Variants in SLC15A4 observed in about 807,000 individuals in gnomAD.
The protein encoded by SLC15A4 is solute carrier family 15 member 4.
A neutral mutation model predicts 46.1 loss-of-function variants in SLC15A4; 26 were observed. That is an observed-to-expected ratio of 0.56 (90% CI 0.41 to 0.78). The LOEUF (loss-of-function observed/expected upper bound fraction) is 0.78, where lower values mean the gene tolerates loss of function less well. Ranked by LOEUF, SLC15A4 falls within the 30% of genes least tolerant of loss-of-function variation. The pLI, the probability that SLC15A4 is intolerant of heterozygous loss-of-function variation, is 0.00. For missense variants in SLC15A4, 751 were observed against 755.7 expected, an observed-to-expected ratio of 0.99 and a Z score of 0.07; for synonymous variants, 370 against 333.4, an observed-to-expected ratio of 1.11 and a Z score of -1.20.
rs912590745 is a variant in SLC15A4 at position 128,820,836 on chromosome 12, T to A, written c.546+2562A>T. On this transcript the variant is annotated intron_variant, in intron 1 of 7. Coordinates refer to ENST00000266771, the MANE Select transcript of SLC15A4 (RefSeq NM_145648.4). ...AAAGCCTAAGAGTCGCCTTCCCTAC[T>A]GCTCACATGCCATGGTTTCCATATC... Among the ~76,000 whole-genome samples the A allele has an allele frequency of 2.0e-5, 3 of 152,338 alleles. No homozygotes were observed. The East Asian group carries it at 5.8e-4, about 29-fold the overall frequency.
At position 128,794,362 on chromosome 12, in the gene SLC15A4, G is replaced by T; in HGVS notation, c.1574-6C>A. 1.3e-6 allele frequency: 2 copies of T among 1,584,420 alleles called. No individual in the cohort carries two copies. The highest frequency in any genetic ancestry group is 2.3e-5 in the East Asian group (1 of 43,178). ...ATAGCAGCCGTTAATATTACCTGGA[G>T]AAAACAAAAGGAAAGCGGCAGGTAA... is the stretch of plus-strand genomic sequence containing the variant. On this transcript the variant is annotated splice_polypyrimidine_tract_variant and splice_region_variant and intron_variant, in intron 7 of 7. Transcript: ENST00000266771.
intron 5 of SLC15A4, among the ~76,000 whole-genome samples, chr12:128,808,409 G>A (rs976499381): frequency 6.6e-6 from 1 of 152,128 alleles, no homozygotes; most frequent in Admixed American, 6.5e-5. Flanking sequence ...ATAAACCTAA[G>A]GTTAGTAATC....
intron 5 of SLC15A4, chr12:128,801,658 G>C (rs1955520219): frequency 6.6e-6 from 1 of 152,038 alleles, no homozygotes; most frequent in East Asian, 1.9e-4. Flanking sequence ...AACAAGCAAG[G>C]GCAGCAGCTC....
intron 7 of SLC15A4, among the ~76,000 whole-genome samples, chr12:128,794,625 T>C (rs187691221): frequency 1.7e-4 from 26 of 152,270 alleles, no homozygotes; most frequent in African/African-American, 6.0e-4. Flanking sequence ...CCCTCTCTTC[T>C]GTAAGGTAAA....
chr12:128,800,143 C>G (rs533573896), intron 6 of SLC15A4, among the ~76,000 whole-genome samples: 3 of 152,222 alleles, frequency 2.0e-5, no homozygotes, highest in Non-Finnish European at 4.4e-5. Flanking sequence ...GTGACAAGGG[C>G]AATAGACTTC....
chr12:128,809,940 C>G lies in SLC15A4; in HGVS notation c.1011+3G>C. On this transcript the variant is annotated splice_donor_region_variant and intron_variant, in intron 3 of 7. Transcript: ENST00000266771. Reference sequence around the variant, plus strand: ...GAAATTAAACCTGTTTGTCACCACTCACTTGGAAATACACTGTCCAGTAAG... The same window carrying G: ...GAAATTAAACCTGTTTGTCACCACTGACTTGGAAATACACTGTCCAGTAAG... The G allele has an allele frequency of 6.2e-7, 1 of 1,609,296 alleles. No homozygotes were observed. The highest frequency in any genetic ancestry group is 8.5e-7 in the Non-Finnish European group (1 of 1,178,436).
chr12:128,811,300 T>A (rs915020264), intron 2 of SLC15A4, among the ~76,000 whole-genome samples: 1 of 152,258 alleles, frequency 6.6e-6, no homozygotes, highest in African/African-American at 2.4e-5. Flanking sequence ...TATTAACTCA[T>A]GTCCCATTTT....
intron 2 of SLC15A4, among the ~76,000 whole-genome samples, chr12:128,812,095 GAAGT>G (rs1955665271): frequency 1.3e-5 from 2 of 152,288 alleles, no homozygotes; most frequent in South Asian, 4.1e-4. Flanking sequence ...GATTCCCAAA[GAAGT>G]ATGTATCTCA....
intron 5 of SLC15A4, among the ~76,000 whole-genome samples, chr12:128,807,827 T>C (rs1434008079): frequency 6.6e-6 from 1 of 152,246 alleles, no homozygotes; most frequent in Non-Finnish European, 1.5e-5. Flanking sequence ...AATAGTCTTC[T>C]AAAATGTCCC....
rs1218102733 is a variant in SLC15A4, at chr12:128,809,386, T to C, written c.1089+10A>G. On this transcript the variant is annotated intron_variant, in intron 4 of 7. Coordinates refer to ENST00000266771, the MANE Select transcript of SLC15A4 (RefSeq NM_145648.4). Reference sequence around the variant, plus strand: ...AATAACAATGTTCAGATCATTACAATTGTTCTTACCGTGTGAGGAGTGGTT... The same window carrying C: ...AATAACAATGTTCAGATCATTACAACTGTTCTTACCGTGTGAGGAGTGGTT... 9.6e-6 allele frequency: 15 copies of C among 1,556,318 alleles called. No individual in the cohort carries two copies. Among genetic ancestry groups the C allele is most frequent in the Non-Finnish European group, 1.2e-5 (14 of 1,134,220 alleles).
Position 128,794,249 on chromosome 12 carries a change from G to C in SLC15A4, c.1681C>G (p.Arg561Gly). 6.2e-7 allele frequency: 1 copy of C among 1,614,026 alleles called. No homozygotes were observed. The highest frequency in any genetic ancestry group is 1.1e-5 in the South Asian group (1 of 91,084). ...LIISVKYDHH[R>G]DHQRSRANGV... ...TTGGCTCTTGATCGCTGATGGTCTC[G>C]ATGATGGTCATATTTCACAGAAATA... The change falls in exon 8 of 8, where the codon CGA (arginine) becomes GGA (glycine). Residue 561 changes from arginine (R) to glycine (G), a missense_variant. Arg to Gly is a moderately radical substitution (Grantham distance 125). Transcript: ENST00000266771.
intron 2 of SLC15A4, among the ~76,000 whole-genome samples, chr12:128,811,403 CTA>C (rs1193037119): frequency 2.0e-5 from 3 of 152,194 alleles, no homozygotes; most frequent in Non-Finnish European, 2.9e-5. Context: ...GCGCTGAAAA[CTA>C]TAACTGAATA....
chr12:128,800,396 C>T (rs1955503215), intron 6 of SLC15A4, among the ~76,000 whole-genome samples: 1 of 152,148 alleles, frequency 6.6e-6, no homozygotes, highest in African/African-American at 2.4e-5. Context: ...ACAGATCTGC[C>T]CAGAATACAC....
At chr12:128,812,463 G>A (rs1336082115) in intron 2 of SLC15A4, among the ~76,000 whole-genome samples, 1 of 152,144 alleles carries the variant, frequency 6.6e-6, no homozygotes, top group Non-Finnish European at 1.5e-5. Flanking sequence ...GGCACTACAG[G>A]CACCCGCCAC....
rs1955709802 is a variant in SLC15A4, at chr12:128,814,234, C to CGTATGATGGACCTGACTGCT, written c.842+540_842+541insAGCAGTCAGGTCCATCATAC. The CGTATGATGGACCTGACTGCT allele has an allele frequency of 2.3e-5, 4 of 170,512 alleles. No homozygotes were observed. The East Asian group carries it at 5.6e-4, about 24-fold the overall frequency. The allele number at this position is 170,512 out of a possible 1,614,324, so 10.6% of individuals were successfully genotyped here. A position where few individuals can be genotyped will look rare whatever the true frequency, so the allele number is the denominator to read the frequency against. On this transcript the variant is annotated intron_variant, in intron 2 of 7. Transcript: ENST00000266771. ...ACCGCCGTATGATGGACCTGACCGC[C>CGTATGATGGACCTGACTGCT]GTATGATGGACCTGACCGCTGTATG...
chr12:128,814,513 C>T (rs776730252), intron 2 of SLC15A4: 3 of 416,074 alleles, frequency 7.2e-6, no homozygotes, highest in African/African-American at 3.9e-5. Flanking sequence ...AAGGAGCTTC[C>T]GTCTACACTA....
chr12:128,819,427 T>C (rs898831461), intron 1 of SLC15A4: 1 of 152,144 alleles, frequency 6.6e-6, no homozygotes, highest in Non-Finnish European at 1.5e-5. Flanking sequence ...CTGGGTGATC[T>C]ACATACAAAT....
chr12:128,808,129 G>A (rs1392838635), intron 5 of SLC15A4, among the ~76,000 whole-genome samples: 1 of 152,106 alleles, frequency 6.6e-6, no homozygotes, highest in Non-Finnish European at 1.5e-5. Flanking sequence ...AATTCAGAAA[G>A]TCAGCAATAC....
In SLC15A4 at chr12:128,812,963, G is replaced by A. The variant is rs143859388; in HGVS notation, c.842+1812C>T. ...GAGGAAATCGGCTTCCTAAGTAAAA[G>A]TAACTCCAAACCCTCTCCACACTGC... On this transcript the variant is annotated intron_variant, in intron 2 of 7. Coordinates refer to ENST00000266771, the MANE Select transcript of SLC15A4 (RefSeq NM_145648.4). Among the ~76,000 whole-genome samples, 421 of 152,244 alleles carry A rather than the reference G, an allele frequency of 2.8e-3. 4 individuals are homozygous for A. Among genetic ancestry groups the A allele is most frequent in the African/African-American group, 9.6e-3 (397 of 41,544 alleles).
Sources: gnomAD v4.1 joint callset for allele counts (sites outside exome capture counted in the v4.1 genomes callset) on GRCh38, gnomAD v4.1.1 for gene constraint, MANE v1.5 for transcripts, NCBI Gene and HGNC (gene_info 2026-07-23, HGNC 2026-07-21) for gene names.